PVT1: variants seen among roughly 807,000 people sequenced by gnomAD.
The protein encoded by PVT1 is Pvt1 oncogene.
Position 127,803,267 on chromosome 8 carries a change from T to G in PVT1, n.372+7196T>G, listed in dbSNP as rs991940152. The G allele has an allele frequency of 2.0e-5, 3 of 151,824 alleles. No individual in the cohort carries two copies. In the East Asian group the frequency reaches 5.9e-4, roughly 30 times the overall value. 9.4% of individuals were successfully genotyped at this position (151,824 alleles called of 1,614,324 possible). On this transcript the variant is annotated intron_variant and non_coding_transcript_variant, in intron 2 of 10. Coordinates refer to ENST00000651587, the Ensembl canonical transcript of PVT1. ...CCTCAGCCTCCCGAGTAGCTGGGAC[T>G]ACAGGCACCCGCCCACCACGCCCGG...
chr8:127,896,779 C>CG (rs199518094), intron 3 of PVT1, among the ~76,000 whole-genome samples: 4,867 of 135,000 alleles, frequency 0.036, 293 homozygotes, highest in African/African-American at 0.13. Context: ...TTTCCTCCCC[C>CG]CCCCCGCCCC....
intron 2 of PVT1, among the ~76,000 whole-genome samples, chr8:127,818,042 A>G (rs1303520886): frequency 6.6e-6 from 1 of 152,208 alleles, no homozygotes; most frequent in East Asian, 1.9e-4. Flanking sequence ...AGCAGAAGGG[A>G]AACAGCCCGG....
intron 3 of PVT1, among the ~76,000 whole-genome samples, chr8:127,950,277 G>A (rs895217277): frequency 7.9e-5 from 12 of 152,330 alleles, no homozygotes; most frequent in Admixed American, 2.6e-4. Flanking sequence ...CAATAGCCCC[G>A]TGGCGGCATG....
intron 4 of PVT1, among the ~76,000 whole-genome samples, chr8:128,037,333 C>A (rs1813476187): frequency 6.6e-6 from 1 of 152,204 alleles, no homozygotes; most frequent in Non-Finnish European, 1.5e-5. Flanking sequence ...TCACTGCTTC[C>A]AATTCTATAA....
intron 2 of PVT1, among the ~76,000 whole-genome samples, chr8:127,843,489 C>CT (rs1226430372): frequency 6.6e-6 from 1 of 151,822 alleles, no homozygotes; most frequent in Non-Finnish European, 1.5e-5. Flanking sequence ...GTTGCCCAGG[C>CT]TGGAGTGCAG....
chr8:128,028,035 G>A (rs1038848849), intron 4 of PVT1, among the ~76,000 whole-genome samples: 3 of 152,170 alleles, frequency 2.0e-5, no homozygotes, highest in Admixed American at 1.3e-4. Context: ...GCTGTCTCCC[G>A]CTTCCTGCCC....
intron 5 of PVT1, among the ~76,000 whole-genome samples, chr8:128,088,066 G>GT (rs1294872895): frequency 1.3e-5 from 2 of 151,694 alleles, no homozygotes; most frequent in Admixed American, 6.6e-5. Flanking sequence ...GCCGCTACTT[G>GT]TTTTTTTTCC....
At chr8:127,828,734 GC>G (rs986058308) in intron 2 of PVT1, among the ~76,000 whole-genome samples, 9 of 151,754 alleles carry the variant, frequency 5.9e-5, no homozygotes, top group Admixed American at 1.3e-4. Context: ...GTGCAGGTCC[GC>G]CCCCCCAGAC....
At chr8:128,077,665 C>T (rs761896809) in intron 5 of PVT1, among the ~76,000 whole-genome samples, 5 of 152,294 alleles carry the variant, frequency 3.3e-5, no homozygotes, top group East Asian at 1.9e-4. Flanking sequence ...GAATGGTGAT[C>T]GTTTCCATTT....
chr8:127,890,135 G>T (rs1281122412), intron 2 of PVT1, among the ~76,000 whole-genome samples: 1 of 152,160 alleles, frequency 6.6e-6, no homozygotes, highest in Admixed American at 6.5e-5. Flanking sequence ...GGGTTTTGTG[G>T]TTGTCTTTAA....
chr8:127,887,804 A>G (rs1815542674), intron 2 of PVT1, among the ~76,000 whole-genome samples: 1 of 151,940 alleles, frequency 6.6e-6, no homozygotes, highest in Non-Finnish European at 1.5e-5. Flanking sequence ...TGGGATTTAC[A>G]GGCATGAGCC....
At position 127,952,978 on chromosome 8, in the gene PVT1, A is replaced by C. The variant is rs1009830259; in HGVS notation, n.783-36184A>C. Among the ~76,000 whole-genome samples the C allele has an allele frequency of 2.1e-4, 32 of 152,038 alleles. No homozygotes were observed. In the East Asian group the frequency reaches 5.2e-3, roughly 25 times the overall value. ...ACGGGGTTTCACCATGTTGGCCAGG[A>C]TGGTCTCGATCTCCTGCCCTCGTGA... On this transcript the variant is annotated intron_variant and non_coding_transcript_variant, in intron 3 of 10. Coordinates refer to ENST00000651587, the Ensembl canonical transcript of PVT1.
rs186974010 is a variant in PVT1, at chr8:127,910,973, G to C, written n.782+19975G>C. 2.8e-3 allele frequency among the ~76,000 whole-genome samples: 423 copies of C among 151,992 alleles called. 3 individuals are homozygous for C. Among genetic ancestry groups the C allele is most frequent in the African/African-American group, 9.8e-3 (405 of 41,428 alleles). ...TGAAGAGCAATAGAAATCATTATAA[G>C]GCATTCCTGTGCTACAGTCTTGGTG... On this transcript the variant is annotated intron_variant and non_coding_transcript_variant, in intron 3 of 10. Transcript: ENST00000651587.
intron 2 of PVT1, among the ~76,000 whole-genome samples, chr8:127,817,980 A>T (rs1283753872): frequency 6.6e-6 from 1 of 152,162 alleles, no homozygotes; most frequent in African/African-American, 2.4e-5. Flanking sequence ...GTGTTTAAAG[A>T]TCACTTACAC....
At chr8:127,937,572 C>CAGAGAGAGAGAGAGAG (rs1415361085) in intron 3 of PVT1, among the ~76,000 whole-genome samples, 9 of 99,806 alleles carry the variant, frequency 9.0e-5, no homozygotes, top group African/African-American at 3.0e-4. Context: ...CACACACACA[C>CAGAGAGAGAGAGAGAG]ACACACACAG....
At chr8:128,095,577 C>T (rs1814416805) in intron 5 of PVT1, among the ~76,000 whole-genome samples, 2 of 152,282 alleles carry the variant, frequency 1.3e-5, no homozygotes, top group Admixed American at 6.5e-5. Context: ...CACAGCTATG[C>T]CCATTTCTTT....
intron 2 of PVT1, among the ~76,000 whole-genome samples, chr8:127,839,370 A>T (rs1401355729): frequency 6.6e-6 from 1 of 151,868 alleles, no homozygotes; most frequent in Non-Finnish European, 1.5e-5. Context: ...CAACAGAGGG[A>T]GACCCTACCT....
intron 2 of PVT1, chr8:127,803,671 T>A (rs1288454915): frequency 6.6e-6 from 1 of 152,284 alleles, no homozygotes; most frequent in East Asian, 1.9e-4. Flanking sequence ...GGAGGATTAG[T>A]TGAGCCCATC....
chr8:128,014,929 T>C (rs927498352), intron 4 of PVT1, among the ~76,000 whole-genome samples: 2 of 152,184 alleles, frequency 1.3e-5, no homozygotes, highest in African/African-American at 4.8e-5. Context: ...GGAAAGATCA[T>C]AGACTTTAGA....
Sources: gnomAD v4.1 joint callset for allele counts (sites outside exome capture counted in the v4.1 genomes callset) on GRCh38, gnomAD v4.1.1 for gene constraint, MANE v1.5 for transcripts, NCBI Gene and HGNC (gene_info 2026-07-23, HGNC 2026-07-21) for gene names.